The following DNAJB1 variants were observed in gnomAD, a reference collection of about 807,000 sequenced individuals.
DNAJB1 encodes the protein dnaJ homolog subfamily B member 1.
In DNAJB1, 14 loss-of-function variants were observed where a neutral mutation model predicts 24.0. The ratio of observed to expected loss-of-function variants is 0.58; its 90% CI spans 0.39 to 0.91. DNAJB1 has a LOEUF of 0.91. Ranked by LOEUF, DNAJB1 falls within the 40% of genes least tolerant of loss-of-function variation. The probability of loss-of-function intolerance (pLI) is 0.00; values close to 1 mark genes in which losing one functional copy is unlikely to be tolerated. For synonymous variants in DNAJB1, 262 were observed against 174.4 expected (o/e 1.50, Z -3.96); for missense variants, 517 against 458.1 (o/e 1.13, Z -1.17).
upstream of DNAJB1, among the ~76,000 whole-genome samples, chr19:14,554,874 G>A (rs2073663492): frequency 6.6e-6 from 1 of 152,002 alleles, no homozygotes; most frequent in Admixed American, 6.6e-5. Context: ...CGCCTCCTGG[G>A]TTCAATCGAT....
At chr19:14,519,601 C>T (rs1308147815), upstream of DNAJB1, among the ~76,000 whole-genome samples, 2 of 152,198 alleles carry the variant, frequency 1.3e-5, no homozygotes, top group South Asian at 2.1e-4. Flanking sequence ...TTTATCTTGT[C>T]TCTTGGCTTT....
intron 1 of DNAJB1, chr19:14,517,435 G>GAAA: frequency 6.4e-6 from 1 of 156,296 alleles, no homozygotes; most frequent in Non-Finnish European, 1.3e-5. Flanking sequence ...AGGAAGAGAA[G>GAAA]AAAAAAAAAA....
chr19:14,515,770 G>A lies in DNAJB1; in HGVS notation c.*170C>T, dbSNP rs954434270. On this transcript the variant is annotated 3_prime_UTR_variant, in exon 3 of 3. Coordinates refer to ENST00000254322, the MANE Select transcript of DNAJB1 (RefSeq NM_006145.3). The stretch of plus-strand genomic sequence containing the variant: ...CCCTATAGCTCGAAAAACCACTGAA[G>A]TCTAGTGTGCGACTTTGAAAGATTG... The A allele has an allele frequency of 3.7e-5, 24 of 646,648 alleles. No individual in the cohort carries two copies. The highest frequency in any genetic ancestry group is 5.2e-5 in the Non-Finnish European group (20 of 386,126). 40.1% of individuals were successfully genotyped at this position (646,648 alleles called of 1,614,324 possible).
chr19:14,558,517 C>A (rs575560634), intron 1 of DNAJB1, among the ~76,000 whole-genome samples: 15 of 152,260 alleles, frequency 9.9e-5, no homozygotes, highest in Middle Eastern at 3.4e-3. Context: ...GAATCTTGGG[C>A]CTCCTGGTGA....
Position 14,515,544 on chromosome 19 carries a change from C to T in DNAJB1, c.*396G>A, listed in dbSNP as rs118114539. 2.3e-3 allele frequency: 520 copies of T among 224,884 alleles called. 2 individuals carry two copies. Among genetic ancestry groups the T allele is most frequent in the Middle Eastern group, 5.0e-3 (3 of 596 alleles). The allele number at this position is 224,884 out of a possible 1,614,324, so 13.9% of individuals were successfully genotyped here. A position where few individuals can be genotyped will look rare whatever the true frequency, so the allele number is the denominator to read the frequency against. ...CACACAACAGAAAAGGAGGAGTGTA[C>T]AGGGTCTGGGAATCAAGACTGCAGG... On this transcript the variant is annotated 3_prime_UTR_variant, in exon 3 of 3. Coordinates refer to ENST00000254322, the MANE Select transcript of DNAJB1 (RefSeq NM_006145.3).
chr19:14,543,358 T>C (rs569021729), intron 1 of DNAJB1, among the ~76,000 whole-genome samples: 1 of 138,138 alleles, frequency 7.2e-6, no homozygotes, highest in African/African-American at 2.7e-5. Context: ...TTGGAAACAG[T>C]GTATTGCCTG....
At chr19:14,547,875 T>TGGTATTG (rs1329789955) in intron 1 of DNAJB1, among the ~76,000 whole-genome samples, 2 of 151,402 alleles carry the variant, frequency 1.3e-5, no homozygotes, top group Non-Finnish European at 2.9e-5. Flanking sequence ...TTGCCCAGGT[T>TGGTATTG]GGTCTTGGGT....
intron 1 of DNAJB1, among the ~76,000 whole-genome samples, chr19:14,543,164 A>T (rs1468374453): frequency 6.7e-6 from 1 of 150,258 alleles, no homozygotes; most frequent in East Asian, 2.0e-4. Flanking sequence ...CTGAGCCTCC[A>T]GGCTCCTTGT....
In DNAJB1 at chr19:14,543,744, A is replaced by G. The variant is rs895840171; in HGVS notation, c.-214+6464T>C. Reference sequence around the variant, plus strand: ...TGAGCCACCGCGCCCGGCTATATATATATTTTTAAATTGAGACAGAGTCTC... The same window carrying G: ...TGAGCCACCGCGCCCGGCTATATATGTATTTTTAAATTGAGACAGAGTCTC... On this transcript the variant is annotated intron_variant, in intron 1 of 3. Transcript: ENST00000676982. Among the ~76,000 whole-genome samples the G allele has an allele frequency of 7.4e-5, 10 of 134,650 alleles. No individual in the cohort carries two copies. The Admixed American group carries it at 7.5e-4, about 10-fold the overall frequency. 88.3% of individuals were successfully genotyped at this position (134,650 alleles called of 152,430 possible). A position where few individuals can be genotyped will look rare whatever the true frequency, so the allele number is the denominator to read the frequency against.
intron 1 of DNAJB1, among the ~76,000 whole-genome samples, chr19:14,558,633 C>T (rs1049882893): frequency 6.6e-6 from 1 of 152,168 alleles, no homozygotes; most frequent in Non-Finnish European, 1.5e-5. Context: ...CGTTCCTGCC[C>T]TCTCCCTGCC....
In DNAJB1 at chr19:14,516,571, G is replaced by A; in HGVS notation, c.687C>T (p.Asn229=). 1.2e-6 allele frequency: 2 copies of A among 1,614,218 alleles called. No homozygotes were observed. The highest frequency in any genetic ancestry group is 3.3e-5 in the Admixed American group (2 of 60,030). The change falls in exon 2 of 3, where the codon AAC becomes AAT. Residue 229 remains asparagine, a synonymous_variant. Transcript: ENST00000254322. Reference sequence around the variant, plus strand: ...CAAAGACGATATCAGCTGGAATGTTGTTGGAGGTCTGGTCTCCTTCCTTGG... The same window carrying A: ...CAAAGACGATATCAGCTGGAATGTTATTGGAGGTCTGGTCTCCTTCCTTGG... ...TFPKEGDQTS[N]NIPADIVFVL... is the part of the protein sequence containing the mutation.
At chr19:14,524,235 A>G (rs1249827457) in intron 2 of DNAJB1, among the ~76,000 whole-genome samples, 1 of 152,180 alleles carries the variant, frequency 6.6e-6, no homozygotes, top group African/African-American at 2.4e-5. Flanking sequence ...CCTGTTGAAA[A>G]AAAGACCTTC....
chr19:14,538,429 G>A (rs142798490), intron 1 of DNAJB1, among the ~76,000 whole-genome samples: 9 of 152,270 alleles, frequency 5.9e-5, no homozygotes, highest in African/African-American at 2.2e-4. Flanking sequence ...ATCCTTAAGC[G>A]GAGAGGGACC....
chr19:14,543,415 ATATATTTTTTTTTTTTTTTTTT>A (rs1433017485), intron 1 of DNAJB1, among the ~76,000 whole-genome samples: 29 of 9,466 alleles, frequency 3.1e-3, no homozygotes, highest in Non-Finnish European at 5.5e-3. Flanking sequence ...ATATATATAT[ATATATTTTTTTTTTTTTTTTTT>A]TTTTTTTTTT....
upstream of DNAJB1, chr19:14,518,531 G>C: frequency 4.6e-6 from 2 of 437,028 alleles, no homozygotes; most frequent in Non-Finnish European, 3.7e-6. Context: ...AGCGACACGC[G>C]ACATCCGGGG....
upstream of DNAJB1, chr19:14,518,428 C>G: frequency 1.6e-6 from 2 of 1,219,556 alleles, no homozygotes; most frequent in Non-Finnish European, 2.1e-6. Flanking sequence ...TCTATATACC[C>G]GTCCGGCGGA....
chr19:14,538,459 C>T (rs1049813763), intron 1 of DNAJB1, among the ~76,000 whole-genome samples: 2 of 152,026 alleles, frequency 1.3e-5, no homozygotes, highest in Non-Finnish European at 2.9e-5. Context: ...CAGGTAAGGA[C>T]AGATCAGCAT....
rs527492859 is a variant in DNAJB1 at position 14,559,115 on chromosome 19, CTG to C, written c.-2166+914_-2166+915del. ...AACCTCTCCTGCTCCTCCCACCCGACTGTTTTTATTTTGATGGGTATGTGGGG... is the reference window on the plus strand; with the variant it reads ...AACCTCTCCTGCTCCTCCCACCCGACTTTTTATTTTGATGGGTATGTGGGG... On this transcript the variant is annotated intron_variant, in intron 1 of 5. Coordinates refer to the DNAJB1 transcript ENST00000679223. Among the ~76,000 whole-genome samples, 596 of 152,280 alleles carry C rather than the reference CTG, an allele frequency of 3.9e-3. 5 individuals carry two copies. Among genetic ancestry groups the C allele is most frequent in the African/African-American group, 0.014 (580 of 41,544 alleles).
At chr19:14,518,475 C>T, upstream of DNAJB1, 1 of 681,904 alleles carries the variant, frequency 1.5e-6, no homozygotes, top group Non-Finnish European at 2.1e-6. Context: ...CAGAACCTTC[C>T]GCCCCGCCCG....
Sources: allele counts gnomAD v4.1 joint callset (sites outside exome capture counted in the v4.1 genomes callset), GRCh38; gene constraint gnomAD v4.1.1; transcripts MANE v1.5; gene names NCBI Gene and HGNC (gene_info 2026-07-23, HGNC 2026-07-21).